The following TRIM2 variants were observed in gnomAD, a reference collection of about 807,000 sequenced individuals.
TRIM2 encodes tripartite motif containing 2, also known as tripartite motif-containing protein 2.
In TRIM2, 20 loss-of-function variants were observed where a neutral mutation model predicts 75.2. The ratio of observed to expected loss-of-function variants is 0.27; its 90% CI spans 0.19 to 0.39. TRIM2 has a LOEUF of 0.39. Ranked by LOEUF, TRIM2 falls within the 10% of genes least tolerant of loss-of-function variation. The pLI is 1.00. For synonymous variants in TRIM2, 373 were observed against 388.3 expected (o/e 0.96, Z 0.46); for missense variants, 660 against 990.8 (o/e 0.67, Z 4.48).
intron 1 of TRIM2, among the ~76,000 whole-genome samples, chr4:153,179,564 G>A (rs1047658476): frequency 2.0e-5 from 3 of 152,088 alleles, no homozygotes; most frequent in Non-Finnish European, 4.4e-5. Flanking sequence ...CTTGAAGCCC[G>A]CACTGCACAG....
At chr4:153,321,650 G>A (rs1769011979) in intron 8 of TRIM2, among the ~76,000 whole-genome samples, 1 of 152,112 alleles carries the variant, frequency 6.6e-6, no homozygotes, top group Non-Finnish European at 1.5e-5. Flanking sequence ...ACCAAGAAGT[G>A]TGTTGCCCCT....
At chr4:153,200,730 T>C (rs373254418), upstream of TRIM2, among the ~76,000 whole-genome samples, 1 of 138,790 alleles carries the variant, frequency 7.2e-6, no homozygotes, top group Non-Finnish European at 1.5e-5. Context: ...AAAAAATATA[T>C]ATATATATAT....
At chr4:153,199,886 G>A (rs988367264), upstream of TRIM2, among the ~76,000 whole-genome samples, 6 of 151,328 alleles carry the variant, frequency 4.0e-5, no homozygotes, top group Admixed American at 2.6e-4. Context: ...TGATCCTCCC[G>A]CCTCAGCCTC....
chr4:153,207,444 C>T (rs932709002), intron 1 of TRIM2, among the ~76,000 whole-genome samples: 1 of 152,206 alleles, frequency 6.6e-6, no homozygotes, highest in Non-Finnish European at 1.5e-5. Flanking sequence ...TACCAAATCT[C>T]CCTAAGTCTG....
intron 8 of TRIM2, among the ~76,000 whole-genome samples, chr4:153,322,084 G>C (rs1769118410): frequency 1.3e-5 from 2 of 152,108 alleles, no homozygotes; most frequent in Non-Finnish European, 1.5e-5. Context: ...GGGGATCCTA[G>C]ACTATTTTTG....
chr4:153,201,416 TGCAGGA>T (rs1279313115), upstream of TRIM2, among the ~76,000 whole-genome samples: 32 of 152,194 alleles, frequency 2.1e-4, no homozygotes, highest in Admixed American at 4.6e-4. Flanking sequence ...ATTGTTGAAT[TGCAGGA>T]GTTTTAAAAA....
rs372665843 is a variant in TRIM2, at chr4:153,322,740, C to T, written c.1875C>T (p.Cys625=). ...HIIVVDNKAC[C]VFIFQPNGKI... The stretch of plus-strand genomic sequence containing the variant: ...TTGTTGTGGACAACAAGGCGTGCTG[C>T]GTGTTTATCTTCCAGCCAAACGGGA... Residue 625 remains cysteine (C), a synonymous_variant, in exon 9 of 12, where the codon TGC becomes TGT. Transcript: ENST00000338700. 8.7e-6 allele frequency: 14 copies of T among 1,614,070 alleles called. 1 individual carries two copies. The highest frequency in any genetic ancestry group is 4.4e-5 in the South Asian group (4 of 91,086).
intron 1 of TRIM2, among the ~76,000 whole-genome samples, chr4:153,231,686 G>C (rs1295630001): frequency 6.6e-6 from 1 of 152,150 alleles, no homozygotes; most frequent in African/African-American, 2.4e-5. Context: ...GGGAGAATCT[G>C]CTCCATGCCT....
intron 1 of TRIM2, among the ~76,000 whole-genome samples, chr4:153,268,845 C>T (rs1755938615): frequency 6.6e-6 from 1 of 152,200 alleles, no homozygotes; most frequent in Non-Finnish European, 1.5e-5. Context: ...AATTAATTCA[C>T]TTCACCAGGT....
At chr4:153,278,082 G>A (rs910872208) in intron 3 of TRIM2, among the ~76,000 whole-genome samples, 1 of 152,114 alleles carries the variant, frequency 6.6e-6, no homozygotes. Flanking sequence ...ACATTAGGTT[G>A]TTTTATTTTT....
chr4:153,189,012 A>T (rs889414557), intron 1 of TRIM2, among the ~76,000 whole-genome samples: 5 of 145,048 alleles, frequency 3.4e-5, no homozygotes, highest in African/African-American at 1.0e-4. Context: ...TTCTTTCTTT[A>T]AAAAAAAAAA....
intron 3 of TRIM2, among the ~76,000 whole-genome samples, chr4:153,289,753 A>C (rs993539912): frequency 1.3e-5 from 2 of 152,230 alleles, no homozygotes; most frequent in Non-Finnish European, 2.9e-5. Context: ...CATTCTAGAC[A>C]TGAGGCCATG....
intron 10 of TRIM2, among the ~76,000 whole-genome samples, chr4:153,327,727 T>G (rs2149579975): frequency 6.6e-6 from 1 of 152,324 alleles, no homozygotes; most frequent in Middle Eastern, 3.4e-3. Flanking sequence ...TAAGAATATG[T>G]AATTAACCAC....
intron 6 of TRIM2, among the ~76,000 whole-genome samples, chr4:153,305,875 C>T (rs1325546329): frequency 6.6e-6 from 1 of 152,186 alleles, no homozygotes; most frequent in East Asian, 1.9e-4. Flanking sequence ...TTTAATTGCT[C>T]ATGCCTGTGG....
chr4:153,255,875 A>G (rs1056226079), intron 1 of TRIM2, among the ~76,000 whole-genome samples: 4 of 152,226 alleles, frequency 2.6e-5, no homozygotes, highest in African/African-American at 9.6e-5. Flanking sequence ...ATATGATTCC[A>G]TTCCAGAATA....
intron 8 of TRIM2, among the ~76,000 whole-genome samples, chr4:153,317,277 G>A (rs1767866546): frequency 6.6e-6 from 1 of 152,014 alleles, no homozygotes; most frequent in Non-Finnish European, 1.5e-5. Context: ...TGCCATCCCA[G>A]CTTATTACTG....
chr4:153,190,640 T>A (rs769256809), intron 1 of TRIM2, among the ~76,000 whole-genome samples: 2 of 152,188 alleles, frequency 1.3e-5, no homozygotes, highest in African/African-American at 2.4e-5. Flanking sequence ...AAGATGGATG[T>A]CATTGGGAGG....
intron 1 of TRIM2, among the ~76,000 whole-genome samples, chr4:153,153,451 G>A (rs1441798480): frequency 6.6e-6 from 1 of 152,188 alleles, no homozygotes; most frequent in Non-Finnish European, 1.5e-5. Context: ...TGGCGAGGAG[G>A]CGACAGCCCG....
chr4:153,220,176 T>A (rs927108568), intron 1 of TRIM2, among the ~76,000 whole-genome samples: 3 of 152,130 alleles, frequency 2.0e-5, no homozygotes, highest in African/African-American at 7.2e-5. Flanking sequence ...GGAAGGCCAC[T>A]GGTAACTGCT....
Sources: gnomAD v4.1 joint callset for allele counts (sites outside exome capture counted in the v4.1 genomes callset) on GRCh38, gnomAD v4.1.1 for gene constraint, MANE v1.5 for transcripts, NCBI Gene and HGNC (gene_info 2026-07-23, HGNC 2026-07-21) for gene names.